Variants in HPSE2 observed in about 807,000 individuals in gnomAD.
The protein encoded by HPSE2 is heparanase 2 (inactive).
Under a neutral mutation model 60.5 loss-of-function variants are expected in HPSE2, and 38 were observed. That is an observed-to-expected ratio of 0.63 (90% CI 0.48 to 0.82). HPSE2 has a LOEUF of 0.82. HPSE2 is among the 40% of genes least tolerant of loss of function. The pLI is 0.00. For missense variants in HPSE2, 713 were observed against 740.4 expected (o/e 0.96, Z 0.43); for synonymous variants, 295 against 293.2 (o/e 1.01, Z -0.06).
chr10:99,094,540 A>ATATATATATATATATT (rs1843646305), intron 3 of HPSE2, among the ~76,000 whole-genome samples: 1 of 26,612 alleles, frequency 3.8e-5, no homozygotes, highest in Non-Finnish European at 6.0e-5. Context: ...ATATATATAT[A>ATATATATATATATATT]TTTTTTTTTT....
At chr10:98,993,189 GA>G (rs1196249854) in intron 3 of HPSE2, among the ~76,000 whole-genome samples, 2 of 152,186 alleles carry the variant, frequency 1.3e-5, no homozygotes, top group Non-Finnish European at 2.9e-5. Context: ...TATTTGCCTG[GA>G]AATGCTGGGT....
intron 3 of HPSE2, among the ~76,000 whole-genome samples, chr10:99,006,533 G>C (rs139165015): frequency 6.6e-5 from 10 of 152,246 alleles, no homozygotes; most frequent in Non-Finnish European, 1.3e-4. Context: ...ATGGCTCCAG[G>C]CTCCAAAATC....
At chr10:98,899,981 T>C (rs909773061) in intron 3 of HPSE2, among the ~76,000 whole-genome samples, 9 of 151,922 alleles carry the variant, frequency 5.9e-5, no homozygotes, top group Admixed American at 4.6e-4. Context: ...CAGGGTTTCT[T>C]CATGTTGGCC....
intron 3 of HPSE2, among the ~76,000 whole-genome samples, chr10:98,943,883 T>A (rs1319999239): frequency 1.3e-5 from 2 of 152,186 alleles, no homozygotes; most frequent in East Asian, 1.9e-4. Flanking sequence ...GAGACCTTAA[T>A]CAGATCCACC....
intron 3 of HPSE2, among the ~76,000 whole-genome samples, chr10:98,805,533 A>G (rs944209159): frequency 7.9e-5 from 12 of 152,162 alleles, no homozygotes; most frequent in African/African-American, 2.7e-4. Context: ...ATATATACAC[A>G]TACACCTACT....
At position 98,651,255 on chromosome 10, in the gene HPSE2, T is replaced by C. The variant is rs150239040; in HGVS notation, c.1005-9315A>G. 5.2e-3 allele frequency among the ~76,000 whole-genome samples: 798 copies of C among 152,300 alleles called. 42 individuals are homozygous for C. Among genetic ancestry groups the C allele is most frequent in the Admixed American group, 0.047 (716 of 15,296 alleles). On this transcript the variant is annotated intron_variant, in intron 6 of 11. Transcript: ENST00000370552. ...CATTATTTACCATGATATATGTGTG[T>C]GCATACAAGCATGTGTGTAGATGTG...
intron 6 of HPSE2, among the ~76,000 whole-genome samples, chr10:98,680,296 C>T (rs1023523819): frequency 9.2e-5 from 14 of 152,130 alleles, no homozygotes; most frequent in Non-Finnish European, 1.6e-4. Context: ...AATCTATAGA[C>T]ATAGTTTTTT....
chr10:99,286,751 A>G, the HPSE2 span, among the ~76,000 whole-genome samples: 1 of 152,226 alleles, frequency 6.6e-6, no homozygotes, highest in Non-Finnish European at 1.5e-5. Flanking sequence ...TTAAAAAACA[A>G]AATATTTAAG....
At chr10:98,614,519 C>T (rs1339026420) in intron 9 of HPSE2, among the ~76,000 whole-genome samples, 3 of 152,118 alleles carry the variant, frequency 2.0e-5, no homozygotes, top group Non-Finnish European at 4.4e-5. Flanking sequence ...GGCTCGATCT[C>T]CTGACCTCGT....
At chr10:98,734,103 T>C (rs1229626641) in intron 4 of HPSE2, among the ~76,000 whole-genome samples, 1 of 152,234 alleles carries the variant, frequency 6.6e-6, no homozygotes, top group Non-Finnish European at 1.5e-5. Context: ...AGGGGAATTA[T>C]ACAATGTGTT....
chr10:98,871,571 T>C (rs1041859894), intron 3 of HPSE2, among the ~76,000 whole-genome samples: 2 of 152,054 alleles, frequency 1.3e-5, no homozygotes, highest in African/African-American at 2.4e-5. Flanking sequence ...GTTACAGAAT[T>C]ATATTTTATT....
At chr10:98,900,073 A>C (rs1953622641) in intron 3 of HPSE2, among the ~76,000 whole-genome samples, 1 of 151,898 alleles carries the variant, frequency 6.6e-6, no homozygotes, top group South Asian at 2.1e-4. Context: ...CAGCCATTCT[A>C]CTCCTAGGTA....
intron 3 of HPSE2, among the ~76,000 whole-genome samples, chr10:99,010,856 C>CT (rs960810113): frequency 1.1e-4 from 16 of 151,174 alleles, no homozygotes; most frequent in Non-Finnish European, 2.1e-4. Flanking sequence ...AATCATCAGT[C>CT]TTTTTTTTTA....
At chr10:99,052,421 G>C (rs565799931) in intron 3 of HPSE2, among the ~76,000 whole-genome samples, 3 of 149,712 alleles carry the variant, frequency 2.0e-5, no homozygotes, top group East Asian at 3.9e-4. Flanking sequence ...AGTTTCAATA[G>C]AGTTAACAAT....
At chr10:99,186,700 C>T (rs1397913806) in intron 2 of HPSE2, among the ~76,000 whole-genome samples, 4 of 151,132 alleles carry the variant, frequency 2.6e-5, no homozygotes, top group African/African-American at 9.7e-5. Context: ...ATGAAGAAAA[C>T]AAACTTAAAT....
chr10:99,103,811 G>A (rs1844121941), intron 3 of HPSE2, among the ~76,000 whole-genome samples: 1 of 152,050 alleles, frequency 6.6e-6, no homozygotes, highest in Non-Finnish European at 1.5e-5. Context: ...ACAGAACAGA[G>A]GCCTCAGAAA....
chr10:98,960,308 C>A (rs1166126206), intron 3 of HPSE2, among the ~76,000 whole-genome samples: 1 of 152,126 alleles, frequency 6.6e-6, no homozygotes, highest in Non-Finnish European at 1.5e-5. Context: ...AAGGAACAGG[C>A]AATACTACCT....
intron 4 of HPSE2, among the ~76,000 whole-genome samples, chr10:98,722,226 G>C (rs779866622): frequency 6.7e-6 from 1 of 148,686 alleles, no homozygotes; most frequent in Non-Finnish European, 1.5e-5. Flanking sequence ...CTAGATTACA[G>C]TGGGTCCTAA....
intron 2 of HPSE2, among the ~76,000 whole-genome samples, chr10:99,163,413 T>C (rs1325232662): frequency 6.6e-6 from 1 of 152,228 alleles, no homozygotes; most frequent in South Asian, 2.1e-4. Context: ...TGCGATGACA[T>C]TCTCCTTCCT....
Sources: gnomAD v4.1 joint callset for allele counts (sites outside exome capture counted in the v4.1 genomes callset) on GRCh38, gnomAD v4.1.1 for gene constraint, MANE v1.5 for transcripts, NCBI Gene and HGNC (gene_info 2026-07-23, HGNC 2026-07-21) for gene names.